ARHGEF3: variants seen among roughly 807,000 people sequenced by gnomAD.
ARHGEF3 encodes the protein 59.8 kDA protein.
In ARHGEF3, 28 loss-of-function variants were observed where a neutral mutation model predicts 63.2. The ratio of observed to expected loss-of-function variants is 0.44; its 90% CI spans 0.33 to 0.61. The LOEUF (loss-of-function observed/expected upper bound fraction) is 0.61, where lower values mean the gene tolerates loss of function less well. Ranked by LOEUF, ARHGEF3 falls within the 20% of genes least tolerant of loss-of-function variation. ARHGEF3 has a pLI of 0.03. For synonymous variants in ARHGEF3, 266 were observed against 254.2 expected (o/e 1.05, Z -0.44); for missense variants, 533 against 659.3 (o/e 0.81, Z 2.10).
intron 4 of ARHGEF3, among the ~76,000 whole-genome samples, chr3:56,866,920 G>C (rs763123043): frequency 6.6e-6 from 1 of 152,172 alleles, no homozygotes; most frequent in African/African-American, 2.4e-5. Flanking sequence ...TGTAGCACTG[G>C]TGTTAACAAT....
chr3:56,826,464 G>A (rs539456896), intron 4 of ARHGEF3, among the ~76,000 whole-genome samples: 1 of 152,226 alleles, frequency 6.6e-6, no homozygotes, highest in Non-Finnish European at 1.5e-5. Flanking sequence ...TAAGCTCTTT[G>A]AGACTAGGAG....
At chr3:56,806,009 G>A (rs2107986468), upstream of ARHGEF3, among the ~76,000 whole-genome samples, 1 of 152,230 alleles carries the variant, frequency 6.6e-6, no homozygotes. Context: ...CCATGTATAT[G>A]GTCCTTGAGG....
chr3:56,827,574 C>T (rs533556597), intron 4 of ARHGEF3, among the ~76,000 whole-genome samples: 162 of 151,890 alleles, frequency 1.1e-3, no homozygotes, highest in African/African-American at 3.3e-3. Flanking sequence ...TTACCAAGTG[C>T]GCAGTAAATG....
At chr3:56,936,821 G>C (rs1698929470) in intron 3 of ARHGEF3, among the ~76,000 whole-genome samples, 1 of 152,148 alleles carries the variant, frequency 6.6e-6, no homozygotes, top group Non-Finnish European at 1.5e-5. Context: ...CAGAGCTCAA[G>C]TGATCCTCCC....
chr3:56,867,503 T>A (rs1172910534), intron 4 of ARHGEF3, among the ~76,000 whole-genome samples: 1 of 152,040 alleles, frequency 6.6e-6, no homozygotes, highest in Non-Finnish European at 1.5e-5. Context: ...GACAAGGTCT[T>A]GCTCTGTCAC....
In ARHGEF3 at chr3:56,759,174, A is replaced by ATT. The variant is rs35855808; in HGVS notation, c.205-4025_205-4024dup. On this transcript the variant is annotated intron_variant, in intron 2 of 9. Coordinates refer to ENST00000296315, the MANE Select transcript of ARHGEF3 (RefSeq NM_019555.3). ...TTTGTTAACATTCATAGAAAACTGA[A>ATT]TTTTTTTTTTTTTTTTTTTTTGAGA... Among the ~76,000 whole-genome samples the ATT allele has an allele frequency of 2.9e-3, 371 of 128,138 alleles. 4 individuals carry two copies. Among genetic ancestry groups the ATT allele is most frequent in the Middle Eastern group, 8.2e-3 (2 of 244 alleles). The allele number at this position is 128,138 out of a possible 152,430, so 84.1% of individuals were successfully genotyped here. A position where few individuals can be genotyped will look rare whatever the true frequency, so the allele number is the denominator to read the frequency against.
chr3:57,027,170 C>T (rs1045627686), intron 2 of ARHGEF3, among the ~76,000 whole-genome samples: 1 of 152,184 alleles, frequency 6.6e-6, no homozygotes, highest in Non-Finnish European at 1.5e-5. Context: ...ACACTGAATC[C>T]TTGCATAACT....
At chr3:56,877,144 G>C (rs897136692) in intron 4 of ARHGEF3, among the ~76,000 whole-genome samples, 1 of 152,144 alleles carries the variant, frequency 6.6e-6, no homozygotes, top group Non-Finnish European at 1.5e-5. Context: ...ACTGATAAAA[G>C]AGATTACACA....
chr3:57,048,932 C>T (rs1221612097), intron 1 of ARHGEF3, among the ~76,000 whole-genome samples: 3 of 152,142 alleles, frequency 2.0e-5, no homozygotes, highest in African/African-American at 7.2e-5. Flanking sequence ...GATGTCAGAG[C>T]TAGGAGGACA....
At chr3:57,052,448 C>G (rs577999678) in intron 1 of ARHGEF3, among the ~76,000 whole-genome samples, 3 of 152,158 alleles carry the variant, frequency 2.0e-5, no homozygotes, top group Non-Finnish European at 4.4e-5. Flanking sequence ...AGGCAACCAC[C>G]ACCATGCCCG....
chr3:56,971,185 T>TC, intron 2 of ARHGEF3, among the ~76,000 whole-genome samples: 1 of 152,188 alleles, frequency 6.6e-6, no homozygotes, highest in South Asian at 2.1e-4. Flanking sequence ...AGGGTAGGCT[T>TC]CCATACACGA....
intron 1 of ARHGEF3, among the ~76,000 whole-genome samples, chr3:56,779,495 TTTTG>T (rs1292408244): frequency 5.5e-4 from 83 of 151,986 alleles, no homozygotes; most frequent in African/African-American, 2.0e-3. Context: ...TATTTTTTTT[TTTTG>T]TTTGTTTTTT....
At position 56,737,211 on chromosome 3, in the gene ARHGEF3, C is replaced by CA; in HGVS notation, c.1014dup (p.Gly339TrpfsTer2). The CA allele has an allele frequency of 6.2e-7, 1 of 1,613,936 alleles. No individual in the cohort carries two copies. The highest frequency in any genetic ancestry group is 8.5e-7 in the Non-Finnish European group (1 of 1,179,904). On this transcript the variant is annotated frameshift_variant, in exon 8 of 10. Transcript: ENST00000296315. LOFTEE classifies it high-confidence loss of function. ...ACGCCCCGATTGTTCTTCAGTTCAC[C>CA]ATGACAACACAAGACTCGAGAGCTG...
intron 1 of ARHGEF3, among the ~76,000 whole-genome samples, chr3:57,035,801 T>C (rs11716092): frequency 0.011 from 1,690 of 152,328 alleles, 22 homozygotes; most frequent in Non-Finnish European, 0.016. Flanking sequence ...GCTCTGCCCA[T>C]GCAGATGATG....
intron 2 of ARHGEF3, among the ~76,000 whole-genome samples, chr3:56,994,317 G>A (rs1701891193): frequency 6.6e-6 from 1 of 152,080 alleles, no homozygotes; most frequent in Non-Finnish European, 1.5e-5. Context: ...AGTACTAAAA[G>A]GCTGCCAGGT....
At chr3:57,054,645 T>A (rs905750851) in intron 1 of ARHGEF3, among the ~76,000 whole-genome samples, 14 of 92,638 alleles carry the variant, frequency 1.5e-4, no homozygotes, top group East Asian at 1.2e-3. Flanking sequence ...TCTCAAAAAT[T>A]TTTTTTTTTT....
At chr3:57,002,362 T>C (rs967305917) in intron 2 of ARHGEF3, among the ~76,000 whole-genome samples, 1 of 146,760 alleles carries the variant, frequency 6.8e-6, no homozygotes, top group Non-Finnish European at 1.5e-5. Flanking sequence ...GGTAGAATAA[T>C]GGTAATAATA....
chr3:56,751,528 C>A, intron 4 of ARHGEF3, 132 bp from the exon 5 acceptor site: 1 of 714,380 alleles, frequency 1.4e-6, no homozygotes, highest in Non-Finnish European at 2.4e-6. Flanking sequence ...TCCCATAAAG[C>A]TGCAGAAACA....
upstream of ARHGEF3, chr3:56,801,980 C>A (rs2037682132): frequency 6.6e-7 from 1 of 1,518,882 alleles, no homozygotes; most frequent in Non-Finnish European, 8.8e-7. Context: ...CGGGACCGTG[C>A]CAGCCACGCC....
Sources: allele counts gnomAD v4.1 joint callset (sites outside exome capture counted in the v4.1 genomes callset), GRCh38; gene constraint gnomAD v4.1.1; transcripts MANE v1.5; gene names NCBI Gene and HGNC (gene_info 2026-07-23, HGNC 2026-07-21).